SMURF2: variants seen among roughly 807,000 people sequenced by gnomAD.
SMURF2 encodes the protein E3 ubiquitin-protein ligase SMURF2.
In SMURF2, 48 loss-of-function variants were observed where a neutral mutation model predicts 109.6. That is an observed-to-expected ratio of 0.44 (90% confidence interval 0.35 to 0.56). The LOEUF is 0.56. Ranked by LOEUF, SMURF2 falls within the 20% of genes least tolerant of loss-of-function variation. The probability of loss-of-function intolerance (pLI) is 0.01; values close to 1 mark genes in which losing one functional copy is unlikely to be tolerated. For missense variants in SMURF2, 575 were observed against 909.0 expected (o/e 0.63, Z 4.72); for synonymous variants, 288 against 317.1 (o/e 0.91, Z 0.97).
In SMURF2 at chr17:64,662,045, A is replaced by G; in HGVS notation, c.-165T>C. 1.8e-6 allele frequency: 2 copies of G among 1,109,088 alleles called. No individual in the cohort carries two copies. The highest frequency in any genetic ancestry group is 2.2e-6 in the Non-Finnish European group (2 of 909,844). 68.7% of individuals were successfully genotyped at this position (1,109,088 alleles called of 1,614,324 possible). The stretch of plus-strand genomic sequence containing the variant: ...CGAGAGTCGTCGCCATGAGCCGCGG[A>G]GGGAGCGGGACGCCGAGCTCCCCCC... On this transcript the variant is annotated 5_prime_UTR_variant, in exon 1 of 19. Coordinates refer to ENST00000262435, the MANE Select transcript of SMURF2 (RefSeq NM_022739.4).
At chr17:64,593,624 C>G (rs570161371) in intron 3 of SMURF2, 51 bp from the exon 4 acceptor site, 1 of 1,427,056 alleles carries the variant, frequency 7.0e-7, no homozygotes, top group Non-Finnish European at 9.3e-7. Flanking sequence ...AGGCAGTTGG[C>G]GTAAAATTTT....
At chr17:64,546,082 C>T (rs1968950388) in intron 18 of SMURF2, 135 bp from the exon 19 acceptor site, 3 of 856,918 alleles carry the variant, frequency 3.5e-6, no homozygotes, top group African/African-American at 1.7e-5. Context: ...ACAGAGATGA[C>T]CACTTTTGGG....
intron 1 of SMURF2, among the ~76,000 whole-genome samples, chr17:64,654,867 A>T (rs1234748285): frequency 6.6e-6 from 1 of 151,896 alleles, no homozygotes; most frequent in Non-Finnish European, 1.5e-5. Flanking sequence ...TATAGAGATG[A>T]GGTCTCACTA....
At chr17:64,612,043 AG>A (rs1320980983) in intron 1 of SMURF2, among the ~76,000 whole-genome samples, 1 of 152,172 alleles carries the variant, frequency 6.6e-6, no homozygotes, top group African/African-American at 2.4e-5. Context: ...TGGTCTCAAA[AG>A]GGAAGGATGC....
chr17:64,616,110 G>T (rs781893497), intron 1 of SMURF2, among the ~76,000 whole-genome samples: 1 of 151,940 alleles, frequency 6.6e-6, no homozygotes, highest in Non-Finnish European at 1.5e-5. Context: ...GATTACAGGC[G>T]TCAGCCACCA....
chr17:64,588,622 G>T (rs1248286878), intron 5 of SMURF2, among the ~76,000 whole-genome samples: 3 of 148,532 alleles, frequency 2.0e-5, no homozygotes, highest in Admixed American at 1.3e-4. Flanking sequence ...TTTGTTTTTT[G>T]TTTTTTTGTT....
At chr17:64,546,361 T>C (rs782422899) in intron 17 of SMURF2, 23 bp from the exon 18 acceptor site, 2 of 1,609,308 alleles carry the variant, frequency 1.2e-6, no homozygotes, top group Admixed American at 3.3e-5. Context: ...GAAATGTGGA[T>C]GAAATCACTG....
chr17:64,647,793 T>C (rs948794628), intron 1 of SMURF2, among the ~76,000 whole-genome samples: 2 of 151,718 alleles, frequency 1.3e-5, no homozygotes, highest in Non-Finnish European at 2.9e-5. Context: ...CAGTGGCTCA[T>C]GTCTGTAATT....
Position 64,552,339 on chromosome 17 carries a change from TTTTA to T in SMURF2, c.1749-639_1749-636del, listed in dbSNP as rs572775169. Among the ~76,000 whole-genome samples, 159 of 152,292 alleles carry T rather than the reference TTTTA, an allele frequency of 1.0e-3. 1 individual carries two copies. The highest frequency in any genetic ancestry group is 9.8e-3 in the Admixed American group (149 of 15,272). ...AATGTACGATTTATAAGTGAATTGTTTTTATTTATCTACCCAAGAAAACTTCTCC... is the reference window on the plus strand; with the variant it reads ...AATGTACGATTTATAAGTGAATTGTTTTTATCTACCCAAGAAAACTTCTCC... On this transcript the variant is annotated intron_variant, in intron 15 of 18. Coordinates refer to ENST00000262435, the MANE Select transcript of SMURF2 (RefSeq NM_022739.4).
chr17:64,639,842 A>T (rs1970471014), intron 1 of SMURF2, among the ~76,000 whole-genome samples: 1 of 152,242 alleles, frequency 6.6e-6, no homozygotes, highest in Non-Finnish European at 1.5e-5. Flanking sequence ...AATGAAACAC[A>T]CACACAATCC....
chr17:64,638,042 G>GTTT (rs61684126), intron 1 of SMURF2, among the ~76,000 whole-genome samples: 12 of 123,780 alleles, frequency 9.7e-5, no homozygotes, highest in East Asian at 2.3e-4. Context: ...TTTCCCATGA[G>GTTT]TTTTTTTTTT....
chr17:64,604,458 T>C (rs1969942185), intron 2 of SMURF2, among the ~76,000 whole-genome samples: 1 of 152,194 alleles, frequency 6.6e-6, no homozygotes, highest in African/African-American at 2.4e-5. Flanking sequence ...CAAAGGTTTA[T>C]AAAACATTAA....
chr17:64,559,588 T>A (rs1055606591), intron 12 of SMURF2, among the ~76,000 whole-genome samples: 1 of 150,224 alleles, frequency 6.7e-6, no homozygotes, highest in African/African-American at 2.5e-5. Flanking sequence ...TGAGATTCCA[T>A]CTCAAAAACA....
At position 64,544,919 on chromosome 17, in the gene SMURF2, G is replaced by C. The variant is rs1459915144; in HGVS notation, c.*929C>G. On this transcript the variant is annotated 3_prime_UTR_variant, in exon 19 of 19. Transcript: ENST00000262435. Reference sequence around the variant, plus strand: ...TCAGAGACTTTGGTTTATAGGAATAGTCCATATATTAAAGATAAGCTGACC... The same window carrying C: ...TCAGAGACTTTGGTTTATAGGAATACTCCATATATTAAAGATAAGCTGACC... 3 of 152,556 alleles carry C rather than the reference G, an allele frequency of 2.0e-5. No homozygotes were observed. Among genetic ancestry groups the C allele is most frequent in the Admixed American group, 2.0e-4 (3 of 15,272 alleles). 9.5% of individuals were successfully genotyped at this position (152,556 alleles called of 1,614,324 possible).
intron 3 of SMURF2, among the ~76,000 whole-genome samples, chr17:64,596,376 A>T (rs1434450673): frequency 2.6e-5 from 4 of 151,986 alleles, no homozygotes; most frequent in African/African-American, 9.7e-5. Flanking sequence ...TCTACTCAAC[A>T]GTATGGATCT....
chr17:64,650,939 C>T (rs1555693431), intron 1 of SMURF2, among the ~76,000 whole-genome samples: 1 of 151,132 alleles, frequency 6.6e-6, no homozygotes, highest in Admixed American at 6.6e-5. Flanking sequence ...TGGCTGGGCG[C>T]GGCGGCTCAC....
At chr17:64,626,656 AG>A (rs1432422764) in intron 1 of SMURF2, among the ~76,000 whole-genome samples, 1 of 151,868 alleles carries the variant, frequency 6.6e-6, no homozygotes, top group East Asian at 1.9e-4. Flanking sequence ...CCAGATACTC[AG>A]GAGGCTGAGG....
chr17:64,593,404 TG>T (rs782138322), intron 4 of SMURF2, 35 bp downstream of exon 4: 32 of 1,591,228 alleles, frequency 2.0e-5, no homozygotes, highest in Non-Finnish European at 6.0e-6. Context: ...CACACATATA[TG>T]TTTTTTAATT....
intron 1 of SMURF2, among the ~76,000 whole-genome samples, chr17:64,660,300 A>C (rs181996781): frequency 1.3e-5 from 2 of 152,254 alleles, no homozygotes; most frequent in African/African-American, 4.8e-5. Flanking sequence ...ATCACTGACT[A>C]CAGACAGCAA....
Sources: allele counts gnomAD v4.1 joint callset (sites outside exome capture counted in the v4.1 genomes callset), GRCh38; gene constraint gnomAD v4.1.1; transcripts MANE v1.5; gene names NCBI Gene and HGNC (gene_info 2026-07-23, HGNC 2026-07-21).